ALMS1: variants seen among roughly 807,000 people sequenced by gnomAD.
ALMS1 encodes the protein ALMS1 centrosome and basal body associated protein, also known as centrosome-associated protein ALMS1.
A neutral mutation model predicts 352.2 loss-of-function variants in ALMS1; 271 were observed. The ratio of observed to expected loss-of-function variants is 0.77; its 90% CI spans 0.70 to 0.85. ALMS1 has a LOEUF of 0.85. Among genes scored for constraint, ALMS1 ranks in the 40% least tolerant of loss-of-function variants. The pLI is 0.00. For missense variants in ALMS1, 5,445 were observed against 4,870.7 expected (o/e 1.12, Z -3.51); for synonymous variants, 1,865 against 1,761.2 (o/e 1.06, Z -1.48).
intron 9 of ALMS1, among the ~76,000 whole-genome samples, chr2:73,484,398 G>A (rs969193714): frequency 4.0e-5 from 6 of 150,902 alleles, no homozygotes; most frequent in African/African-American, 1.5e-4. Flanking sequence ...GTTGAATATT[G>A]GCCCCCACTC....
Position 73,573,176 on chromosome 2 carries a change from A to T in ALMS1, c.11299A>T (p.Thr3767Ser). 1 of 1,613,212 alleles carries T rather than the reference A, an allele frequency of 6.2e-7. No homozygotes were observed. The highest frequency in any genetic ancestry group is 8.5e-7 in the Non-Finnish European group (1 of 1,179,582). ...TTCTACTGTCGAATCAGATATATTG[A>T]CCCAAACAGATAGAGAGGTGGCTCT... is the stretch of plus-strand genomic sequence containing the variant. ...TTSTVESDIL[T>S]QTDREVALHE... is the part of the protein sequence containing the mutation. The change falls in exon 16 of 23, where the codon ACC (threonine) becomes TCC (serine). Residue 3767 changes from threonine (T) to serine (S), a missense_variant. Transcript: ENST00000613296.
At chr2:73,596,860 C>CTTTTTTTTTTTTTTTTTTTT (rs70965740) in intron 16 of ALMS1, among the ~76,000 whole-genome samples, 76 of 104,214 alleles carry the variant, frequency 7.3e-4, no homozygotes, top group Non-Finnish European at 8.8e-4. Flanking sequence ...CCCTCTACCT[C>CTTTTTTTTTTTTTTTTTTTT]TTTTTTTTTT....
chr2:73,569,045 C>T (rs1000881189), intron 15 of ALMS1, among the ~76,000 whole-genome samples: 11 of 95,520 alleles, frequency 1.2e-4, no homozygotes, highest in Non-Finnish European at 1.7e-4. Context: ...GATGAAGTCT[C>T]GCTCTGTCGC....
chr2:73,514,379 A>C (rs1312432559), intron 10 of ALMS1, among the ~76,000 whole-genome samples: 1 of 151,698 alleles, frequency 6.6e-6, no homozygotes, highest in Non-Finnish European at 1.5e-5. Context: ...TGTATAGTTT[A>C]CCTTAAATTA....
intron 12 of ALMS1, among the ~76,000 whole-genome samples, chr2:73,544,619 G>T (rs1355716344): frequency 6.6e-6 from 1 of 152,152 alleles, no homozygotes; most frequent in Non-Finnish European, 1.5e-5. Context: ...ATGTAAAATG[G>T]TATAGCCATT....
chr2:73,399,207 C>T (rs1313485991), intron 1 of ALMS1, among the ~76,000 whole-genome samples: 1 of 152,136 alleles, frequency 6.6e-6, no homozygotes, highest in Admixed American at 6.5e-5. Context: ...TTTATTTCCT[C>T]CTTCCCAGAC....
chr2:73,531,856 T>A (rs1293414268), intron 11 of ALMS1, among the ~76,000 whole-genome samples: 3 of 152,214 alleles, frequency 2.0e-5, no homozygotes, highest in Non-Finnish European at 4.4e-5. Context: ...AAACTGCCAC[T>A]TCTAAACCAT....
At chr2:73,603,695 A>G (rs1231839548) in intron 21 of ALMS1, 1 of 260,122 alleles carries the variant, frequency 3.8e-6, no homozygotes, top group African/African-American at 2.3e-5. Flanking sequence ...CTCCATCTCT[A>G]CTCAAAATAC....
In ALMS1 at chr2:73,491,053, G is replaced by T. The variant is rs1672973932; in HGVS notation, c.9094G>T (p.Ala3032Ser). ...AGCCCCAAATCACTGTACATTAGCA[G>T]CATCTGCATCTACTCCTCCTTCAAA... is the stretch of plus-strand genomic sequence containing the variant. ...QSAPNHCTLAASASTPPSNRK... is the reference protein window; with the variant it reads ...QSAPNHCTLASSASTPPSNRK... The change falls in exon 10 of 23, where the codon GCA (alanine) becomes TCA (serine). Residue 3032 changes from alanine (A) to serine (S), a missense_variant. Ala to Ser is a moderately conservative substitution (Grantham distance 99). Transcript: ENST00000613296. 2 of 1,614,192 alleles carry T rather than the reference G, an allele frequency of 1.2e-6. No homozygotes were observed. Among genetic ancestry groups the T allele is most frequent in the Non-Finnish European group, 1.7e-6 (2 of 1,180,028 alleles).
intron 15 of ALMS1, among the ~76,000 whole-genome samples, chr2:73,562,255 T>C (rs1024379660): frequency 5.3e-5 from 8 of 152,212 alleles, no homozygotes; most frequent in African/African-American, 1.7e-4. Flanking sequence ...AGCCTCAAAC[T>C]CCTGGGCTCA....
At position 73,408,864 on chromosome 2, in the gene ALMS1, CTTTTTTTTTT is replaced by C. The variant is rs58686365; in HGVS notation, c.450+134_450+143del. On this transcript the variant is annotated intron_variant, in intron 2 of 22. Coordinates refer to ENST00000613296, the MANE Select transcript of ALMS1 (RefSeq NM_001378454.1). Reference sequence around the variant, plus strand: ...ATTCATTAATATTATGTTTTCTTGTCTTTTTTTTTTTTTTTTTTTTTTTTTTAAGACAGGG... The same window carrying C: ...ATTCATTAATATTATGTTTTCTTGTCTTTTTTTTTTTTTTTTAAGACAGGG... 5.4e-3 allele frequency: 1,013 copies of C among 188,434 alleles called. 1 individual carries two copies. Among genetic ancestry groups the C allele is most frequent in the Admixed American group, 0.035 (371 of 10,514 alleles). The allele number at this position is 188,434 out of a possible 1,614,324, so 11.7% of individuals were successfully genotyped here.
At chr2:73,435,639 T>A (rs1671590560) in intron 7 of ALMS1, among the ~76,000 whole-genome samples, 1 of 152,066 alleles carries the variant, frequency 6.6e-6, no homozygotes, top group Non-Finnish European at 1.5e-5. Context: ...CTTGCTCTGT[T>A]GCCCAGGTTG....
At position 73,550,121 on chromosome 2, in the gene ALMS1, A is replaced by G. The variant is rs534526343; in HGVS notation, c.9908-146A>G. The G allele has an allele frequency of 1.3e-4, 96 of 763,218 alleles. No individual in the cohort carries two copies. The African/African-American group carries it at 1.5e-3, about 12-fold the overall frequency. The allele number at this position is 763,218 out of a possible 1,614,324, so 47.3% of individuals were successfully genotyped here. A position where few individuals can be genotyped will look rare whatever the true frequency, so the allele number is the denominator to read the frequency against. On this transcript the variant is annotated intron_variant, in intron 12 of 22. Transcript: ENST00000613296. ...GCAATCCGCCTGCCTCCACCTTCCAAAGTGCTGGGATTACAGGCATGAGCC... is the reference window on the plus strand; with the variant it reads ...GCAATCCGCCTGCCTCCACCTTCCAGAGTGCTGGGATTACAGGCATGAGCC...
At chr2:73,456,575 T>G (rs766392337) in intron 9 of ALMS1, among the ~76,000 whole-genome samples, 2 of 152,212 alleles carry the variant, frequency 1.3e-5, no homozygotes, top group Non-Finnish European at 2.9e-5. Context: ...AGAATTGATA[T>G]AGCTATCATG....
chr2:73,403,617 A>G (rs1558631587), intron 1 of ALMS1, among the ~76,000 whole-genome samples: 3 of 152,118 alleles, frequency 2.0e-5, no homozygotes, highest in South Asian at 2.1e-4. Context: ...ATTGCTTTGG[A>G]TAGTACATAC....
At position 73,450,535 on chromosome 2, in the gene ALMS1, C is replaced by T. The variant is rs1572934743; in HGVS notation, c.4008C>T (p.His1336=). The T allele has an allele frequency of 6.2e-7, 1 of 1,612,358 alleles. No individual in the cohort carries two copies. Among genetic ancestry groups the T allele is most frequent in the Non-Finnish European group, 8.5e-7 (1 of 1,179,714 alleles). The change falls in exon 8 of 23, where the codon CAC becomes CAT. Residue 1336 remains histidine (H), a synonymous_variant. Transcript: ENST00000613296. ...IPILPSTFYS[H]TEKPGVFYQQ... Reference sequence around the variant, plus strand: ...TTTTACCCTCTACTTTCTACTCACACACAGAGAAGCCTGGTGTTTTCTACC... The same window carrying T: ...TTTTACCCTCTACTTTCTACTCACATACAGAGAAGCCTGGTGTTTTCTACC...
intron 7 of ALMS1, among the ~76,000 whole-genome samples, chr2:73,445,931 A>G (rs1671804243): frequency 6.6e-6 from 1 of 152,018 alleles, no homozygotes; most frequent in Non-Finnish European, 1.5e-5. Flanking sequence ...CCCAGGGCTG[A>G]GAGAATAATA....
intron 12 of ALMS1, among the ~76,000 whole-genome samples, chr2:73,536,475 C>T (rs1400179180): frequency 6.6e-6 from 1 of 151,928 alleles, no homozygotes; most frequent in African/African-American, 2.4e-5. Flanking sequence ...GCCATACACA[C>T]TTGAGATTGT....
chr2:73,457,225 C>T (rs1672084214), intron 9 of ALMS1: 3 of 152,096 alleles, frequency 2.0e-5, no homozygotes, highest in Non-Finnish European at 4.4e-5. Context: ...CTATATAATA[C>T]TTTTTTAAAA....
Sources: allele counts gnomAD v4.1 joint callset (sites outside exome capture counted in the v4.1 genomes callset), GRCh38; gene constraint gnomAD v4.1.1; transcripts MANE v1.5; gene names NCBI Gene and HGNC (gene_info 2026-07-23, HGNC 2026-07-21).